LOC122539214: variants seen among roughly 807,000 people sequenced by gnomAD.
At chr19:52,679,120 G>A in the LOC122539214 span, among the ~76,000 whole-genome samples, 1 of 152,202 alleles carries the variant, frequency 6.6e-6, no homozygotes, top group South Asian at 2.1e-4. Flanking sequence ...AAAATGAACA[G>A]TGACACATAT....
the LOC122539214 span, among the ~76,000 whole-genome samples, chr19:52,687,637 A>AATG: frequency 1.7e-4 from 3 of 17,346 alleles, 1 homozygote; most frequent in Non-Finnish European, 3.2e-4. Context: ...TATAATGTAT[A>AATG]TATATATATA....
the LOC122539214 span, among the ~76,000 whole-genome samples, chr19:52,689,820 G>A: frequency 2.6e-3 from 395 of 152,238 alleles, 1 homozygote; most frequent in African/African-American, 9.0e-3. Flanking sequence ...CCTGCATCCC[G>A]GAGGAGCTTA....
the LOC122539214 span, among the ~76,000 whole-genome samples, chr19:52,676,899 G>A: frequency 7.3e-6 from 1 of 136,220 alleles, no homozygotes; most frequent in Non-Finnish European, 1.5e-5. Flanking sequence ...GGTGCAAGAT[G>A]TGCTTTGTTA....
chr19:52,654,801 G>A, the LOC122539214 span: 1 of 154,726 alleles, frequency 6.5e-6, no homozygotes, highest in African/African-American at 2.4e-5. Flanking sequence ...CTACAGCAGT[G>A]ACTGCTGTTT....
the LOC122539214 span, among the ~76,000 whole-genome samples, chr19:52,660,539 C>T: frequency 6.6e-6 from 1 of 151,936 alleles, no homozygotes; most frequent in Non-Finnish European, 1.5e-5. Flanking sequence ...AATCTCTTGA[C>T]CCTGGGAGGT....
the LOC122539214 span, chr19:52,690,451 TGTGACC>T: frequency 1.1e-5 from 2 of 186,470 alleles, no homozygotes; most frequent in African/African-American, 4.8e-5. Context: ...ACCGCCGCGG[TGTGACC>T]GTCACTCCAC....
chr19:52,668,088 C>T, the LOC122539214 span, among the ~76,000 whole-genome samples: 2 of 152,170 alleles, frequency 1.3e-5, no homozygotes, highest in Non-Finnish European at 2.9e-5. Flanking sequence ...GGTTTATCCT[C>T]CACCTTCTCT....
At chr19:52,661,704 G>A in the LOC122539214 span, among the ~76,000 whole-genome samples, 1 of 152,170 alleles carries the variant, frequency 6.6e-6, no homozygotes, top group Non-Finnish European at 1.5e-5. Context: ...TCTCCCCTTG[G>A]GGACTTGTTC....
the LOC122539214 span, among the ~76,000 whole-genome samples, chr19:52,687,654 TATA>T: frequency 3.1e-5 from 1 of 32,252 alleles, no homozygotes; most frequent in African/African-American, 4.2e-4. Context: ...TATATATATA[TATA>T]ATGTATATAT....
chr19:52,668,888 C>G, the LOC122539214 span, among the ~76,000 whole-genome samples: 7 of 148,464 alleles, frequency 4.7e-5, no homozygotes, highest in African/African-American at 1.8e-4. Context: ...GCCAAGCTCT[C>G]TCTGTCTGCT....
chr19:52,688,806 A>G, the LOC122539214 span, among the ~76,000 whole-genome samples: 3 of 152,300 alleles, frequency 2.0e-5, no homozygotes, highest in African/African-American at 7.2e-5. Flanking sequence ...TGGCAAGGCA[A>G]GGTTTAAAAA....
the LOC122539214 span, among the ~76,000 whole-genome samples, chr19:52,681,810 G>C: frequency 6.6e-6 from 1 of 152,124 alleles, no homozygotes; most frequent in Non-Finnish European, 1.5e-5. Context: ...GTCATTGAAT[G>C]GACACACAGG....
chr19:52,675,276 G>GT, the LOC122539214 span, among the ~76,000 whole-genome samples: 1 of 152,234 alleles, frequency 6.6e-6, no homozygotes. Context: ...TGCATGTACG[G>GT]TAAGTGAGGG....
chr19:52,653,928 CT>C, the LOC122539214 span: 1 of 1,075,754 alleles, frequency 9.3e-7, no homozygotes, highest in Middle Eastern at 2.1e-4. Context: ...TGTGTTCTTC[CT>C]GGATTTGTGT....
At chr19:52,652,721 A>C in the LOC122539214 span, 1 of 690,114 alleles carries the variant, frequency 1.4e-6, no homozygotes, top group South Asian at 1.5e-5. Flanking sequence ...GAATCATTAC[A>C]TTTGTAAAGT....
At chr19:52,681,520 G>A in the LOC122539214 span, among the ~76,000 whole-genome samples, 1 of 152,102 alleles carries the variant, frequency 6.6e-6, no homozygotes, top group African/African-American at 2.4e-5. Context: ...GCTATACACT[G>A]TTCTAAGTGC....
At chr19:52,668,796 C>T in the LOC122539214 span, among the ~76,000 whole-genome samples, 9 of 152,214 alleles carry the variant, frequency 5.9e-5, no homozygotes, top group South Asian at 4.1e-4. Context: ...CCCCTTTCCA[C>T]GAGGGCTGTC....
the LOC122539214 span, among the ~76,000 whole-genome samples, chr19:52,665,661 A>G: frequency 6.6e-6 from 1 of 151,866 alleles, no homozygotes; most frequent in African/African-American, 2.4e-5. Context: ...TTCCATAATC[A>G]TTTTTCCCAC....
chr19:52,673,073 T>C, the LOC122539214 span, among the ~76,000 whole-genome samples: 9 of 152,026 alleles, frequency 5.9e-5, no homozygotes, highest in South Asian at 1.9e-3. Context: ...CAAAAAAAAC[T>C]GGATGTGAGC....
Sources: gnomAD v4.1 joint callset for allele counts (sites outside exome capture counted in the v4.1 genomes callset) on GRCh38, gnomAD v4.1.1 for gene constraint, MANE v1.5 for transcripts.